The following RASGRF2 variants were observed in gnomAD, a reference collection of about 807,000 sequenced individuals.
The protein encoded by RASGRF2 is Ras protein specific guanine nucleotide releasing factor 2.
RASGRF2 carries 76 observed loss-of-function variants against 151.0 expected under a neutral mutation model. The observed-to-expected ratio is 0.50, with a 90% CI of 0.42 to 0.61. The LOEUF (loss-of-function observed/expected upper bound fraction) is 0.61, where lower values mean the gene tolerates loss of function less well. Ranked by LOEUF, RASGRF2 falls within the 20% of genes least tolerant of loss-of-function variation. The probability of loss-of-function intolerance (pLI) is 0.00; values close to 1 mark genes in which losing one functional copy is unlikely to be tolerated. For synonymous variants in RASGRF2, 504 were observed against 566.5 expected (o/e 0.89, Z 1.57); for missense variants, 1,148 against 1,564.6 (o/e 0.73, Z 4.49).
At chr5:81,170,625 A>G (rs1318740265) in intron 17 of RASGRF2, among the ~76,000 whole-genome samples, 3 of 151,946 alleles carry the variant, frequency 2.0e-5, no homozygotes, top group Non-Finnish European at 4.4e-5. Flanking sequence ...CTCTTCATTC[A>G]TGTCCCAACT....
At chr5:81,049,518 C>T (rs1750941751) in intron 2 of RASGRF2, among the ~76,000 whole-genome samples, 1 of 152,110 alleles carries the variant, frequency 6.6e-6, no homozygotes, top group South Asian at 2.1e-4. Context: ...ACAATTTCTT[C>T]TTGTCCTATT....
At chr5:81,032,160 G>A (rs1413852931) in intron 1 of RASGRF2, among the ~76,000 whole-genome samples, 1 of 152,114 alleles carries the variant, frequency 6.6e-6, no homozygotes, top group Non-Finnish European at 1.5e-5. Context: ...ATAATTAATA[G>A]CCTACCAACC....
chr5:81,115,194 G>A (rs1027623016), intron 15 of RASGRF2, among the ~76,000 whole-genome samples: 1 of 152,114 alleles, frequency 6.6e-6, no homozygotes, highest in African/African-American at 2.4e-5. Flanking sequence ...TTCTAGCTCA[G>A]ATCATTTAAA....
At chr5:81,202,489 G>A (rs1755419772) in intron 19 of RASGRF2, among the ~76,000 whole-genome samples, 1 of 152,168 alleles carries the variant, frequency 6.6e-6, no homozygotes, top group African/African-American at 2.4e-5. Context: ...GTTAGCAACT[G>A]GCCTGTAAGT....
chr5:81,200,416 T>G (rs1755362449), intron 18 of RASGRF2, among the ~76,000 whole-genome samples: 2 of 152,258 alleles, frequency 1.3e-5, no homozygotes, highest in Admixed American at 1.3e-4. Flanking sequence ...TTATTCATTT[T>G]GATGCTCATA....
intron 17 of RASGRF2, among the ~76,000 whole-genome samples, chr5:81,179,913 A>T (rs1455685242): frequency 6.6e-6 from 1 of 152,158 alleles, no homozygotes; most frequent in Non-Finnish European, 1.5e-5. Context: ...GTGTCAGGAG[A>T]GCAGCTTTAG....
intron 1 of RASGRF2, among the ~76,000 whole-genome samples, chr5:81,030,896 A>G (rs1750218450): frequency 1.3e-5 from 2 of 152,236 alleles, no homozygotes; most frequent in Non-Finnish European, 2.9e-5. Flanking sequence ...TGCTGTATTC[A>G]GGAGACCCAT....
At chr5:81,007,017 T>G (rs946053126) in intron 1 of RASGRF2, among the ~76,000 whole-genome samples, 2 of 152,180 alleles carry the variant, frequency 1.3e-5, no homozygotes, top group Admixed American at 1.3e-4. Flanking sequence ...CCCATCTCCC[T>G]TTCTCCTCAG....
At chr5:80,970,679 T>A (rs1477908228) in intron 1 of RASGRF2, among the ~76,000 whole-genome samples, 1 of 152,228 alleles carries the variant, frequency 6.6e-6, no homozygotes, top group Non-Finnish European at 1.5e-5. Flanking sequence ...AGAATCTGAT[T>A]GTCTCAGTTC....
In RASGRF2 at chr5:81,146,446, G is replaced by A. The variant is rs191836836; in HGVS notation, c.2686+19283G>A. Among the ~76,000 whole-genome samples, 448 of 140,978 alleles carry A rather than the reference G, an allele frequency of 3.2e-3. 14 individuals are homozygous for A. The highest frequency in any genetic ancestry group is 0.027 in the Admixed American group (393 of 14,322). 92.5% of individuals were successfully genotyped at this position (140,978 alleles called of 152,430 possible). A position where few individuals can be genotyped will look rare whatever the true frequency, so the allele number is the denominator to read the frequency against. On this transcript the variant is annotated intron_variant, in intron 17 of 26. Transcript: ENST00000265080. ...CCAGTTTGAGGTCCCTTACAGACAT[G>A]CTGGTCTCTTGGAATTATAAGGTAT...
intron 2 of RASGRF2, among the ~76,000 whole-genome samples, chr5:81,045,738 T>C (rs1713440600): frequency 6.6e-6 from 1 of 152,202 alleles, no homozygotes; most frequent in South Asian, 2.1e-4. Flanking sequence ...TTTTCTGTTT[T>C]GCATTGAGAT....
chr5:81,051,159 A>T (rs1750996955), intron 2 of RASGRF2, among the ~76,000 whole-genome samples: 1 of 152,134 alleles, frequency 6.6e-6, no homozygotes, highest in Non-Finnish European at 1.5e-5. Flanking sequence ...GTATGACAAA[A>T]ATATATTCAT....
At chr5:81,062,871 G>C (rs1751486697) in intron 2 of RASGRF2, among the ~76,000 whole-genome samples, 1 of 152,116 alleles carries the variant, frequency 6.6e-6, no homozygotes, top group Non-Finnish European at 1.5e-5. Context: ...CCTGCAGTAA[G>C]TGTGTGGGGA....
chr5:80,978,719 G>A (rs1175856914), intron 1 of RASGRF2, among the ~76,000 whole-genome samples: 2 of 152,164 alleles, frequency 1.3e-5, no homozygotes, highest in African/African-American at 2.4e-5. Context: ...CCCAGGAGGC[G>A]GAGGCTGCAG....
intron 1 of RASGRF2, among the ~76,000 whole-genome samples, chr5:80,965,817 A>G (rs1368592641): frequency 6.6e-6 from 1 of 152,146 alleles, no homozygotes; most frequent in Non-Finnish European, 1.5e-5. Flanking sequence ...AATTGCTGAT[A>G]TTGCTGTCTG....
intron 1 of RASGRF2, among the ~76,000 whole-genome samples, chr5:80,979,298 A>G (rs1181775339): frequency 2.0e-5 from 3 of 152,226 alleles, no homozygotes; most frequent in Non-Finnish European, 2.9e-5. Flanking sequence ...GAATTAAAAT[A>G]TAGAAATGAA....
intron 1 of RASGRF2, among the ~76,000 whole-genome samples, chr5:80,976,873 C>G (rs1394664222): frequency 6.6e-6 from 1 of 152,210 alleles, no homozygotes; most frequent in Non-Finnish European, 1.5e-5. Flanking sequence ...AAGTTTCAAT[C>G]TCCCCAGGCC....
At chr5:81,087,492 G>T in intron 9 of RASGRF2, 2 of 609,570 alleles carry the variant, frequency 3.3e-6, no homozygotes, top group Admixed American at 5.4e-5. Context: ...GCCACGCTTT[G>T]GTAATGCAGA....
intron 17 of RASGRF2, among the ~76,000 whole-genome samples, chr5:81,141,405 C>A (rs1753882211): frequency 6.6e-6 from 1 of 152,184 alleles, no homozygotes; most frequent in Non-Finnish European, 1.5e-5. Context: ...ATGGAAGGGG[C>A]ACAGTGGGGA....
Sources: allele counts gnomAD v4.1 joint callset (sites outside exome capture counted in the v4.1 genomes callset), GRCh38; gene constraint gnomAD v4.1.1; transcripts MANE v1.5; gene names NCBI Gene and HGNC (gene_info 2026-07-23, HGNC 2026-07-21).